Variants in GRM8 observed in about 807,000 individuals in gnomAD.
GRM8 encodes the protein metabotropic glutamate receptor 8.
Under a neutral mutation model 87.2 loss-of-function variants are expected in GRM8, and 47 were observed. The observed-to-expected ratio is 0.54, with a 90% CI of 0.43 to 0.69. GRM8 has a LOEUF of 0.69. Ranked by LOEUF, GRM8 falls within the 30% of genes least tolerant of loss-of-function variation. The pLI is 0.00. For missense variants in GRM8, 1,019 were observed against 1,139.2 expected, an observed-to-expected ratio of 0.89 and a Z score of 1.52; for synonymous variants, 396 against 404.5, an observed-to-expected ratio of 0.98 and a Z score of 0.25.
chr7:126,802,049 T>A (rs1339302245), intron 6 of GRM8, among the ~76,000 whole-genome samples: 1 of 152,206 alleles, frequency 6.6e-6, no homozygotes, highest in Non-Finnish European at 1.5e-5. Context: ...TTAGAAGCAC[T>A]TTTTAAAATT....
chr7:126,476,216 T>C (rs1181340539), intron 9 of GRM8, among the ~76,000 whole-genome samples: 1 of 152,044 alleles, frequency 6.6e-6, no homozygotes, highest in Admixed American at 6.6e-5. Flanking sequence ...AGTTATGTTG[T>C]TTTGAGGCTG....
chr7:127,091,508 C>T (rs1824079529), intron 3 of GRM8, among the ~76,000 whole-genome samples: 2 of 86,940 alleles, frequency 2.3e-5, no homozygotes, highest in Admixed American at 1.1e-4. Context: ...CCCCCCACCA[C>T]CATCCCACTG....
chr7:127,180,055 A>G (rs1478721129), intron 2 of GRM8, among the ~76,000 whole-genome samples: 1 of 152,094 alleles, frequency 6.6e-6, no homozygotes, highest in Non-Finnish European at 1.5e-5. Flanking sequence ...GATAAATGAA[A>G]CAAAAAGCTG....
intron 6 of GRM8, among the ~76,000 whole-genome samples, chr7:126,886,696 T>C (rs1800533586): frequency 6.6e-6 from 1 of 152,304 alleles, no homozygotes; most frequent in Middle Eastern, 3.4e-3. Flanking sequence ...ATTCATCTTA[T>C]ACTGTCAAAA....
chr7:126,856,963 G>A (rs1023459120), intron 6 of GRM8, among the ~76,000 whole-genome samples: 2 of 152,172 alleles, frequency 1.3e-5, no homozygotes, highest in African/African-American at 4.8e-5. Flanking sequence ...AAAGTTCTCT[G>A]AGACTAGATT....
At chr7:126,845,588 A>C (rs1796645075) in intron 6 of GRM8, among the ~76,000 whole-genome samples, 1 of 152,248 alleles carries the variant, frequency 6.6e-6, no homozygotes, top group African/African-American at 2.4e-5. Context: ...AAAAATATTA[A>C]AACACATTTG....
Position 126,985,167 on chromosome 7 carries a change from A to G in GRM8, c.728-80484T>C, listed in dbSNP as rs527502762. ...TTTGGCCAACTTTATATATATTAAT[A>G]TTTCCCATTTCCTTGTCACGTGCAT... is the stretch of plus-strand genomic sequence containing the variant. On this transcript the variant is annotated intron_variant, in intron 3 of 10. Coordinates refer to ENST00000339582, the MANE Select transcript of GRM8 (RefSeq NM_000845.3). Among the ~76,000 whole-genome samples, 3 of 152,180 alleles carry G rather than the reference A, an allele frequency of 2.0e-5. No homozygotes were observed. The East Asian group carries it at 5.8e-4, about 29-fold the overall frequency.
rs1458797153 is a variant in GRM8 at position 127,252,009 on chromosome 7, C to T, written c.-312+788G>A. On this transcript the variant is annotated intron_variant, in intron 1 of 10. Coordinates refer to ENST00000339582, the MANE Select transcript of GRM8 (RefSeq NM_000845.3). This position sits in a 1 kb window ranked among gnomAD's most constrained non-coding sequence, Gnocchi z 4.9. ...CGGCTTCCCCCGCGACCCCCATCCT[C>T]CCTAGATCCTGGTTAGACATCCATC... The T allele has an allele frequency of 6.6e-6, 1 of 152,240 alleles. No individual in the cohort carries two copies. The highest frequency in any genetic ancestry group is 2.1e-4 in the South Asian group (1 of 4,828). 9.4% of individuals were successfully genotyped at this position (152,240 alleles called of 1,614,324 possible). A position where few individuals can be genotyped will look rare whatever the true frequency, so the allele number is the denominator to read the frequency against.
chr7:126,903,593 CACACACACTATATACA>C (rs1563300099), intron 5 of GRM8, among the ~76,000 whole-genome samples: 1 of 145,366 alleles, frequency 6.9e-6, no homozygotes, highest in Non-Finnish European at 1.5e-5. Flanking sequence ...CACACACACA[CACACACACTATATACA>C]TATATACATA....
intron 9 of GRM8, among the ~76,000 whole-genome samples, chr7:126,532,515 T>C (rs1814970832): frequency 6.6e-6 from 1 of 152,130 alleles, no homozygotes; most frequent in Non-Finnish European, 1.5e-5. Flanking sequence ...GCATTTGTCA[T>C]GCAGTGGCAT....
Position 127,076,834 on chromosome 7 carries a change from G to C in GRM8, c.727+29662C>G, listed in dbSNP as rs935737457. Among the ~76,000 whole-genome samples the C allele has an allele frequency of 4.6e-5, 7 of 152,224 alleles. No individual in the cohort carries two copies. The East Asian group carries it at 1.3e-3, about 29-fold the overall frequency. On this transcript the variant is annotated intron_variant, in intron 3 of 10. Coordinates refer to ENST00000339582, the MANE Select transcript of GRM8 (RefSeq NM_000845.3). ...TGCCCAAGTGGAGAACAGAAGTCAC[G>C]TCAGTTATGCCTTATCATTCTCAGG...
At chr7:126,451,383 C>T (rs763531656) in intron 9 of GRM8, among the ~76,000 whole-genome samples, 36 of 151,878 alleles carry the variant, frequency 2.4e-4, no homozygotes, top group Non-Finnish European at 2.8e-4. Context: ...ATTGATTCTA[C>T]CTTCAAAATT....
At chr7:126,565,806 C>G (rs906262334) in intron 8 of GRM8, among the ~76,000 whole-genome samples, 1 of 152,080 alleles carries the variant, frequency 6.6e-6, no homozygotes, top group Non-Finnish European at 1.5e-5. Context: ...CTACAAAAAT[C>G]AAAATGATAA....
At chr7:126,666,832 T>C (rs922009610) in intron 7 of GRM8, among the ~76,000 whole-genome samples, 5 of 152,232 alleles carry the variant, frequency 3.3e-5, no homozygotes, top group African/African-American at 1.2e-4. Context: ...GTATCTATGC[T>C]CTTTATCTAT....
At chr7:126,561,088 C>T (rs904416636) in intron 8 of GRM8, among the ~76,000 whole-genome samples, 20 of 152,132 alleles carry the variant, frequency 1.3e-4, no homozygotes, top group Admixed American at 1.3e-3. Context: ...AATATATATT[C>T]CTGCTCAAAT....
chr7:127,044,839 T>A (rs1314130822), intron 3 of GRM8, among the ~76,000 whole-genome samples: 2 of 152,156 alleles, frequency 1.3e-5, no homozygotes, highest in Non-Finnish European at 2.9e-5. Flanking sequence ...TTCTTCAATC[T>A]TTTTCTTTAG....
At chr7:126,572,749 A>C (rs1324757148) in intron 8 of GRM8, among the ~76,000 whole-genome samples, 1 of 152,200 alleles carries the variant, frequency 6.6e-6, no homozygotes, top group East Asian at 1.9e-4. Flanking sequence ...GGAATCCATG[A>C]AATGATATTC....
chr7:127,126,952 A>G (rs1827406215), intron 2 of GRM8, among the ~76,000 whole-genome samples: 1 of 152,014 alleles, frequency 6.6e-6, no homozygotes, highest in Non-Finnish European at 1.5e-5. Context: ...GAGAAGATAT[A>G]CAAATGGATA....
rs17867097 is a variant in GRM8 at position 127,244,413 on chromosome 7, C to T, written c.-311-898G>A. On this transcript the variant is annotated intron_variant, in intron 1 of 10. Coordinates refer to ENST00000339582, the MANE Select transcript of GRM8 (RefSeq NM_000845.3). ...GCTACACGCAAATCTACAGACAAAG[C>T]CTTTTTCCTACGGCCTTCACCCTTA... Among the ~76,000 whole-genome samples, 935 of 152,230 alleles carry T rather than the reference C, an allele frequency of 6.1e-3. 8 individuals carry two copies. The highest frequency in any genetic ancestry group is 0.022 in the African/African-American group (893 of 41,530).
Sources: allele counts gnomAD v4.1 joint callset (sites outside exome capture counted in the v4.1 genomes callset), GRCh38; gene constraint gnomAD v4.1.1; non-coding constraint Gnocchi (gnomAD v3.1); transcripts MANE v1.5; gene names NCBI Gene and HGNC (gene_info 2026-07-23, HGNC 2026-07-21).